Variants in ARHGEF9 observed in about 807,000 individuals in gnomAD.
The protein encoded by ARHGEF9 is rho guanine nucleotide exchange factor 9.
Under a neutral mutation model 41.3 loss-of-function variants are expected in ARHGEF9, and 2 were observed. That is an observed-to-expected ratio of 0.05 (90% CI 0.02 to 0.15). ARHGEF9 has a LOEUF of 0.15. Among genes scored for constraint, ARHGEF9 ranks in the 10% least tolerant of loss-of-function variants. The pLI is 1.00. For missense variants in ARHGEF9, 225 were observed against 424.7 expected (o/e 0.53, Z 4.13); for synonymous variants, 160 against 154.4 (o/e 1.04, Z -0.27).
Position 63,718,929 on chromosome X carries a change from G to A in ARHGEF9, c.210+5603C>T, listed in dbSNP as rs73526837. Among the ~76,000 whole-genome samples the A allele has an allele frequency of 7.8e-3, 874 of 111,518 alleles. 13 individuals are homozygous for A. The highest frequency in any genetic ancestry group is 0.027 in the African/African-American group (839 of 30,735). ...AATTTGGAGGAATCATCTGGGTGATGTAACAGCTACATTTAAGATTCTCTC... is the reference window on the plus strand; with the variant it reads ...AATTTGGAGGAATCATCTGGGTGATATAACAGCTACATTTAAGATTCTCTC... On this transcript the variant is annotated intron_variant, in intron 2 of 9. Coordinates refer to ENST00000671741, the MANE Select transcript of ARHGEF9 (RefSeq NM_001353921.2).
In ARHGEF9 at chrX:63,767,717, T is replaced by C. The variant is rs781903580; in HGVS notation, c.30+17399A>G. On this transcript the variant is annotated intron_variant, in intron 1 of 9. Transcript: ENST00000671741. ...GCTGGCTTGGGAAAGGTAAGCTATC[T>C]TTCTTAAGACATACTGTATTTATAA... Among the ~76,000 whole-genome samples, 3 of 112,463 alleles carry C rather than the reference T, an allele frequency of 2.7e-5. No individual in the cohort carries two copies. In the South Asian group the frequency reaches 1.1e-3, roughly 41 times the overall value.
intron 2 of ARHGEF9, among the ~76,000 whole-genome samples, chrX:63,708,753 C>A (rs1556404659): frequency 8.9e-6 from 1 of 111,895 alleles, no homozygotes; most frequent in African/African-American, 3.3e-5. Context: ...TAAATCTATG[C>A]CAAGTGTGGA....
At chrX:63,650,058 A>T (rs1378567923) in intron 8 of ARHGEF9, among the ~76,000 whole-genome samples, 2 of 111,703 alleles carry the variant, frequency 1.8e-5, no homozygotes, top group African/African-American at 3.2e-5. Context: ...ACAAACCAAA[A>T]ACACGTTCTT....
chrX:63,650,196 G>A lies in ARHGEF9; in HGVS notation c.1321+5298C>T, dbSNP rs183661655. Among the ~76,000 whole-genome samples the A allele has an allele frequency of 9.5e-3, 1,058 of 110,923 alleles. 7 individuals carry two copies. The highest frequency in any genetic ancestry group is 0.014 in the Non-Finnish European group (758 of 52,728). On this transcript the variant is annotated intron_variant, in intron 8 of 9. Transcript: ENST00000671741. ...TGCTGGGTATGTATCCAAAAGAAAG[G>A]ATATCAATATACCGAGGAAATATCT...
chrX:63,753,219 C>T (rs1405019117), intron 1 of ARHGEF9, among the ~76,000 whole-genome samples: 1 of 111,874 alleles, frequency 8.9e-6, no homozygotes, highest in African/African-American at 3.3e-5. Flanking sequence ...GCTTCCAGCT[C>T]ATGTTTTCCA....
intron 8 of ARHGEF9, among the ~76,000 whole-genome samples, chrX:63,649,870 C>G (rs1438162513): frequency 9.0e-6 from 1 of 111,556 alleles, no homozygotes; most frequent in Non-Finnish European, 1.9e-5. Context: ...GACACATACA[C>G]CCTCCCATGT....
chrX:63,749,832 T>TA (rs1344633021), intron 1 of ARHGEF9, among the ~76,000 whole-genome samples: 1 of 112,477 alleles, frequency 8.9e-6, no homozygotes, highest in African/African-American at 3.2e-5. Flanking sequence ...CTTCCCCTTC[T>TA]AGTTTTTCCT....
Position 63,655,863 on chromosome X carries a change from C to T in ARHGEF9, c.1078-126G>A, listed in dbSNP as rs1386366613. On this transcript the variant is annotated intron_variant, in intron 7 of 9. Coordinates refer to ENST00000671741, the MANE Select transcript of ARHGEF9 (RefSeq NM_001353921.2). The stretch of plus-strand genomic sequence containing the variant: ...AAGTACCAATGGGGGTTGGTTTGTT[C>T]TAAATTTGGCCAGGTTATACTAGTA... 8 of 900,083 alleles carry T rather than the reference C, an allele frequency of 8.9e-6. No individual in the cohort carries two copies. In the East Asian group the frequency reaches 2.2e-4, roughly 25 times the overall value. The allele number at this position is 900,083 out of a possible 1,213,427, so 74.2% of individuals were successfully genotyped here.
At chrX:63,737,631 C>T (rs2054697415) in intron 1 of ARHGEF9, among the ~76,000 whole-genome samples, 1 of 112,312 alleles carries the variant, frequency 8.9e-6, no homozygotes, top group Admixed American at 9.4e-5. Flanking sequence ...CCAGTTCAGA[C>T]CACTGGGTTC....
chrX:63,755,393 T>C (rs1195169656), intron 1 of ARHGEF9: 1 of 338,975 alleles, frequency 3.0e-6, no homozygotes, highest in Non-Finnish European at 4.7e-6. Flanking sequence ...TGGGGGCGGA[T>C]AGAGGGGGTA....
chrX:63,744,663 G>A (rs1211346295), intron 1 of ARHGEF9, among the ~76,000 whole-genome samples: 1 of 111,657 alleles, frequency 9.0e-6, no homozygotes, highest in Admixed American at 9.4e-5. Flanking sequence ...GTGAGACGAT[G>A]TACAAAATCC....
chrX:63,689,778 T>TC (rs782308835), intron 4 of ARHGEF9, among the ~76,000 whole-genome samples: 5 of 112,013 alleles, frequency 4.5e-5, no homozygotes, highest in Non-Finnish European at 9.4e-5. Context: ...TTTTAAAAAG[T>TC]CAAATTAATA....
intron 4 of ARHGEF9, among the ~76,000 whole-genome samples, chrX:63,692,465 A>G (rs1203167560): frequency 8.9e-6 from 1 of 112,628 alleles, no homozygotes; most frequent in East Asian, 2.8e-4. Flanking sequence ...AAAATGCCCA[A>G]CATCATTAAT....
At chrX:63,671,749 C>T (rs1368048010) in intron 6 of ARHGEF9, among the ~76,000 whole-genome samples, 2 of 112,474 alleles carry the variant, frequency 1.8e-5, no homozygotes, top group East Asian at 2.8e-4. Flanking sequence ...ACACAAGAAT[C>T]GTCAGGGTTG....
intron 8 of ARHGEF9, among the ~76,000 whole-genome samples, chrX:63,651,481 GATTT>G (rs1374531931): frequency 9.0e-6 from 1 of 111,113 alleles, no homozygotes; most frequent in Non-Finnish European, 1.9e-5. Flanking sequence ...GAAAATAAAT[GATTT>G]ATTTAATAAA....
chrX:63,773,793 A>C (rs782736843), intron 1 of ARHGEF9, among the ~76,000 whole-genome samples: 2 of 110,983 alleles, frequency 1.8e-5, no homozygotes, highest in African/African-American at 6.5e-5. Context: ...AGTAAAGGGG[A>C]ATTCCTCCTG....
intron 1 of ARHGEF9, 37 bp downstream of exon 1, chrX:63,785,079 G>A (rs2056440517): frequency 8.6e-7 from 1 of 1,161,360 alleles, no homozygotes; most frequent in Admixed American, 2.6e-5. Context: ...GGGACTGAGA[G>A]GCTCAAGCAA....
chrX:63,704,955 C>A (rs1180224029), intron 3 of ARHGEF9, among the ~76,000 whole-genome samples: 4 of 112,313 alleles, frequency 3.6e-5, no homozygotes, highest in African/African-American at 1.3e-4. Flanking sequence ...GCACAAAATC[C>A]TTGGCCTTGG....
chrX:63,635,433 C>T lies in ARHGEF9; in HGVS notation c.*2595G>A. 1.9e-6 allele frequency: 1 copy of T among 521,203 alleles called. No individual in the cohort carries two copies. Among genetic ancestry groups the T allele is most frequent in the Non-Finnish European group, 3.5e-6 (1 of 285,487 alleles). The allele number at this position is 521,203 out of a possible 1,213,427, so 43.0% of individuals were successfully genotyped here. A position where few individuals can be genotyped will look rare whatever the true frequency, so the allele number is the denominator to read the frequency against. Reference sequence around the variant, plus strand: ...GCTCAGGGCCATGCGGAAATTACAACATTACAGAATTACTGGGGTTACCAT... The same window carrying T: ...GCTCAGGGCCATGCGGAAATTACAATATTACAGAATTACTGGGGTTACCAT... On this transcript the variant is annotated 3_prime_UTR_variant, in exon 10 of 10. Coordinates refer to ENST00000671741, the MANE Select transcript of ARHGEF9 (RefSeq NM_001353921.2).
Sources: gnomAD v4.1 joint callset for allele counts (sites outside exome capture counted in the v4.1 genomes callset) on GRCh38, gnomAD v4.1.1 for gene constraint, MANE v1.5 for transcripts, NCBI Gene and HGNC (gene_info 2026-07-23, HGNC 2026-07-21) for gene names.